Variants in PIH1D1 observed in about 807,000 individuals in gnomAD.
The protein encoded by PIH1D1 is PIH1 domain-containing protein 1.
PIH1D1 carries 28 observed loss-of-function variants against 38.5 expected under a neutral mutation model. The ratio of observed to expected loss-of-function variants is 0.73; its 90% CI spans 0.54 to 1.00. The LOEUF is 1.00. Ranked by LOEUF, PIH1D1 falls within the 50% of genes least tolerant of loss-of-function variation. PIH1D1 has a pLI of 0.00. For missense variants in PIH1D1, 343 were observed against 369.9 expected (o/e 0.93, Z 0.60); for synonymous variants, 155 against 153.5 (o/e 1.01, Z -0.07).
Position 49,451,539 on chromosome 19 carries a change from G to C in PIH1D1, c.36C>G (p.Ser12Arg), listed in dbSNP as rs745505223. ...AATCAGCACCGATCGCCTCCGCCTC[G>C]CTTAGCCCCATTCCCAGCAGCTTCG... ...ANPKLLGMGL[S>R]EAEAIGADSA... Residue 12 changes from serine to arginine, a missense_variant, in exon 1 of 9, where the codon AGC (serine) becomes AGG (arginine). By Grantham distance (110) the Ser-to-Arg change is moderately radical. Transcript: ENST00000262265. The C allele has an allele frequency of 1.2e-6, 2 of 1,613,676 alleles. No homozygotes were observed. The highest frequency in any genetic ancestry group is 1.7e-6 in the Non-Finnish European group (2 of 1,179,952).
At chr19:49,447,750 C>T (rs987215311) in intron 5 of PIH1D1, 77 bp downstream of exon 5, 4 of 1,445,374 alleles carry the variant, frequency 2.8e-6, no homozygotes, top group Admixed American at 1.7e-5. Flanking sequence ...CCCAAGCCAG[C>T]CCCTCCTCTC....
At position 49,449,575 on chromosome 19, in the gene PIH1D1, G is replaced by A. The variant is rs151221741; in HGVS notation, c.237C>T (p.Ala79=). ...ICHSPSIPPP[A]DVTEEELLQM... ...GAAGCAGCTCCTCCTCGGTCACGTC[G>A]GCGGGAGGAGGGATAGAGGGGGAGT... The change falls in exon 3 of 9, where the codon GCC becomes GCT. Residue 79 remains alanine (A), a synonymous_variant. Transcript: ENST00000262265. The A allele has an allele frequency of 2.3e-5, 37 of 1,614,082 alleles. No individual in the cohort carries two copies. The highest frequency in any genetic ancestry group is 1.2e-4 in the African/African-American group (9 of 75,006).
chr19:49,449,351 G>T (rs557290552), intron 3 of PIH1D1, 124 bp downstream of exon 3: 28 of 893,420 alleles, frequency 3.1e-5, no homozygotes, highest in South Asian at 8.4e-5. Flanking sequence ...ATAGGGAAAA[G>T]AATCAGATCG....
At chr19:49,450,697 C>CCCTT in intron 2 of PIH1D1, 85 bp downstream of exon 2, 4 of 898,886 alleles carry the variant, frequency 4.4e-6, no homozygotes, top group South Asian at 2.2e-5. Context: ...CACCCTAGGC[C>CCCTT]TTTATTTTCG....
At chr19:49,447,552 G>A in intron 5 of PIH1D1, 85 bp from the exon 6 acceptor site, 2 of 1,513,628 alleles carry the variant, frequency 1.3e-6, no homozygotes, top group Non-Finnish European at 1.8e-6. Flanking sequence ...AGGCTCCACC[G>A]GCTCACCAGG....
At chr19:49,451,445 T>G (rs369998892) in intron 1 of PIH1D1, 40 bp downstream of exon 1, 13 of 1,612,376 alleles carry the variant, frequency 8.1e-6, no homozygotes, top group Non-Finnish European at 1.1e-5. Flanking sequence ...CCCGCCAAAA[T>G]CCCCGAATAC....
chr19:49,447,205 C>G lies in PIH1D1; in HGVS notation c.612-106G>C, dbSNP rs143819353. On this transcript the variant is annotated intron_variant, in intron 6 of 8. Transcript: ENST00000262265. Reference sequence around the variant, plus strand: ...GCCCTATTGGCCTCAGGACGCCTTCCCAGTCAGGAGTTCTCTCTCCTCCCT... The same window carrying G: ...GCCCTATTGGCCTCAGGACGCCTTCGCAGTCAGGAGTTCTCTCTCCTCCCT... 3.8e-4 allele frequency: 572 copies of G among 1,488,286 alleles called. 4 individuals carry two copies. In the East Asian group the frequency reaches 0.013, roughly 33 times the overall value. The allele number at this position is 1,488,286 out of a possible 1,614,324, so 92.2% of individuals were successfully genotyped here.
chr19:49,446,686 G>T lies in PIH1D1; in HGVS notation c.696C>A (p.Ala232=), dbSNP rs1000594040. Residue 232 remains alanine, a synonymous_variant, in exon 8 of 9, where the codon GCC becomes GCA. Transcript: ENST00000262265. ...AEVDLPKLDG[A]LGLSLEIGEN... is the part of the protein sequence containing the mutation. ...CCCCGATCTCCAGCGACAGCCCCAG[G>T]GCTCCATCCTGGAGAGGTGGCGGAA... 1 of 1,567,936 alleles carries T rather than the reference G, an allele frequency of 6.4e-7. No individual in the cohort carries two copies. The highest frequency in any genetic ancestry group is 2.2e-5 in the East Asian group (1 of 44,548).
At chr19:49,450,631 C>T (rs1454886630) in intron 2 of PIH1D1, 151 bp downstream of exon 2, 4 of 725,698 alleles carry the variant, frequency 5.5e-6, no homozygotes, top group Non-Finnish European at 9.0e-6. Flanking sequence ...CTACTCTGTC[C>T]TCCAACTCCT....
At chr19:49,450,262 T>C (rs2079050464) in intron 2 of PIH1D1, among the ~76,000 whole-genome samples, 1 of 151,984 alleles carries the variant, frequency 6.6e-6, no homozygotes, top group Admixed American at 6.6e-5. Flanking sequence ...CAGCTAATTT[T>C]GTTTATTTTT....
chr19:49,448,325 G>A, intron 3 of PIH1D1: 1 of 514,476 alleles, frequency 1.9e-6, no homozygotes, highest in South Asian at 2.2e-5. Flanking sequence ...TGGCTCCCCA[G>A]TGCTCCCAAG....
chr19:49,451,798 C>T lies in PIH1D1; in HGVS notation c.-224G>A, dbSNP rs749364262. 14 of 1,328,592 alleles carry T rather than the reference C, an allele frequency of 1.1e-5. No individual in the cohort carries two copies. Among genetic ancestry groups the T allele is most frequent in the Non-Finnish European group, 1.4e-5 (14 of 1,022,790 alleles). The allele number at this position is 1,328,592 out of a possible 1,614,324, so 82.3% of individuals were successfully genotyped here. ...TCTAGACGCACTACCCTCCGTCCTA[C>T]GTGCCGAACTGTAAACGAAGCCACA... is the stretch of plus-strand genomic sequence containing the variant. On this transcript the variant is annotated 5_prime_UTR_variant, in exon 1 of 9. Transcript: ENST00000262265.
In PIH1D1 at chr19:49,449,355, C is replaced by T. The variant is rs773824392; in HGVS notation, c.337+120G>A. ...AGAGATCTACCATAGGGAAAAGAAT[C>T]AGATCGAGGGGCCAGATCTCCAGGA... On this transcript the variant is annotated intron_variant, in intron 3 of 8. Transcript: ENST00000262265. 13 of 915,720 alleles carry T rather than the reference C, an allele frequency of 1.4e-5. No individual in the cohort carries two copies. The South Asian group carries it at 1.8e-4, about 13-fold the overall frequency. 56.7% of individuals were successfully genotyped at this position (915,720 alleles called of 1,614,324 possible).
chr19:49,449,548 C>G lies in PIH1D1; in HGVS notation c.264G>C (p.Gln88His), dbSNP rs1049815463. The G allele has an allele frequency of 1.2e-6, 2 of 1,614,216 alleles. No individual in the cohort carries two copies. Among genetic ancestry groups the G allele is most frequent in the Non-Finnish European group, 1.7e-6 (2 of 1,180,034 alleles). Residue 88 changes from glutamine (Q) to histidine (H), a missense_variant, in exon 3 of 9, where the codon CAG becomes CAC. Physicochemically the swap from Gln to His is conservative, Grantham distance 24 (BLOSUM62 0). Transcript: ENST00000262265. ...PADVTEEELL[Q>H]MLEEDQAGFR... Reference sequence around the variant, plus strand: ...ACCCAGCTTGGTCCTCCTCTAGCATCTGAAGCAGCTCCTCCTCGGTCACGT... The same window carrying G: ...ACCCAGCTTGGTCCTCCTCTAGCATGTGAAGCAGCTCCTCCTCGGTCACGT...
rs747558769 is a variant in PIH1D1, at chr19:49,447,396, G to A, written c.553C>T (p.Pro185Ser). 3 of 1,613,572 alleles carry A rather than the reference G, an allele frequency of 1.9e-6. No homozygotes were observed. The highest frequency in any genetic ancestry group is 3.3e-5 in the Admixed American group (2 of 60,016). The change falls in exon 6 of 9, where the codon CCT (proline) becomes TCT (serine). Residue 185 changes from proline to serine, a missense_variant. Transcript: ENST00000262265. The part of the protein sequence containing the change: ...SQQNIRSEQR[P>S]RIQELGDLYT... Reference sequence around the variant, plus strand: ...AGGTCCCCCAGCTCCTGGATCCGAGGACGCTGCTCCGAGCGGATGTTCTGC... The same window carrying A: ...AGGTCCCCCAGCTCCTGGATCCGAGAACGCTGCTCCGAGCGGATGTTCTGC...
intron 5 of PIH1D1, 119 bp from the exon 6 acceptor site, chr19:49,447,586 C>T (rs1174291137): frequency 7.8e-7 from 1 of 1,289,718 alleles, no homozygotes; most frequent in Non-Finnish European, 1.1e-6. Flanking sequence ...GACCACACCC[C>T]GCAGGCTTGG....
intron 5 of PIH1D1, 77 bp downstream of exon 5, chr19:49,447,750 C>A: frequency 6.9e-7 from 1 of 1,445,372 alleles, no homozygotes; most frequent in South Asian, 1.1e-5. Context: ...CCCAAGCCAG[C>A]CCCTCCTCTC....
chr19:49,449,941 C>A (rs2079048445), intron 2 of PIH1D1, among the ~76,000 whole-genome samples: 1 of 151,914 alleles, frequency 6.6e-6, no homozygotes, highest in African/African-American at 2.4e-5. Flanking sequence ...ATTATAGGCG[C>A]CCACCACCAC....
intron 3 of PIH1D1, chr19:49,448,325 G>T (rs1376760825): frequency 1.9e-6 from 1 of 514,358 alleles, no homozygotes; most frequent in African/African-American, 1.9e-5. Flanking sequence ...TGGCTCCCCA[G>T]TGCTCCCAAG....
Sources: allele counts gnomAD v4.1 joint callset (sites outside exome capture counted in the v4.1 genomes callset), GRCh38; gene constraint gnomAD v4.1.1; transcripts MANE v1.5; gene names NCBI Gene and HGNC (gene_info 2026-07-23, HGNC 2026-07-21).